TOX3: variants seen among roughly 807,000 people sequenced by gnomAD.
TOX3 encodes CAG trinucleotide repeat-containing gene F9 protein.
Under a neutral mutation model 64.3 loss-of-function variants are expected in TOX3, and 22 were observed. The ratio of observed to expected loss-of-function variants is 0.34; its 90% CI spans 0.24 to 0.49. TOX3 has a LOEUF of 0.49. Ranked by LOEUF, TOX3 falls within the 20% of genes least tolerant of loss-of-function variation. TOX3 has a pLI of 0.99. For synonymous variants in TOX3, 291 were observed against 273.6 expected (o/e 1.06, Z -0.63); for missense variants, 661 against 714.4 (o/e 0.93, Z 0.85).
chr16:52,448,566 G>T (rs1390511524), intron 4 of TOX3, among the ~76,000 whole-genome samples: 1 of 152,082 alleles, frequency 6.6e-6, no homozygotes, highest in Non-Finnish European at 1.5e-5. Context: ...GGGCCCAATG[G>T]GGGTGCTAAC....
Position 52,546,915 on chromosome 16 carries a change from C to T in TOX3, c.-192G>A. 9.3e-7 allele frequency: 1 copy of T among 1,077,902 alleles called. No homozygotes were observed. Among genetic ancestry groups the T allele is most frequent in the Admixed American group, 5.5e-5 (1 of 18,342 alleles). 66.8% of individuals were successfully genotyped at this position (1,077,902 alleles called of 1,614,324 possible). On this transcript the variant is annotated 5_prime_UTR_variant, in exon 1 of 7. It adds an upstream start codon to the 5' untranslated region. Coordinates refer to ENST00000219746, the MANE Select transcript of TOX3 (RefSeq NM_001080430.4). ...GCCGCCGCACACAAAGGCGCGGCCA[C>T]GCGAGCCGCGGGAGAGCGGGAGGCG...
chr16:52,457,609 T>C (rs1960558196), intron 3 of TOX3, among the ~76,000 whole-genome samples: 1 of 152,154 alleles, frequency 6.6e-6, no homozygotes, highest in Non-Finnish European at 1.5e-5. Context: ...AATATCAGAG[T>C]TAACTGCAAA....
At chr16:52,446,265 G>A in intron 4 of TOX3, 44 bp from the exon 5 acceptor site, 1 of 1,582,484 alleles carries the variant, frequency 6.3e-7, no homozygotes, top group African/African-American at 1.4e-5. Context: ...TGTACTTGCA[G>A]AGAATGCAAC....
chr16:52,463,627 C>T (rs145323353), intron 3 of TOX3, among the ~76,000 whole-genome samples: 46 of 152,320 alleles, frequency 3.0e-4, no homozygotes, highest in African/African-American at 1.1e-3. Flanking sequence ...TCAACTCAAG[C>T]ACACCTTTGT....
At chr16:52,458,423 A>G (rs976853864) in intron 3 of TOX3, among the ~76,000 whole-genome samples, 11 of 152,130 alleles carry the variant, frequency 7.2e-5, no homozygotes, top group Admixed American at 6.5e-5. Flanking sequence ...TCTCCAAAAA[A>G]TATTTGAGCC....
intron 1 of TOX3, among the ~76,000 whole-genome samples, chr16:52,497,019 G>T (rs1961867437): frequency 6.6e-6 from 1 of 151,984 alleles, no homozygotes; most frequent in Non-Finnish European, 1.5e-5. Context: ...AGGAAATTAG[G>T]TTCCCCAATT....
chr16:52,478,146 C>T (rs1338448769), intron 1 of TOX3, among the ~76,000 whole-genome samples: 1 of 152,186 alleles, frequency 6.6e-6, no homozygotes, highest in Non-Finnish European at 1.5e-5. Context: ...TTAGAGAAAT[C>T]CAATGGCTTC....
At chr16:52,510,078 C>T (rs1241236649) in intron 1 of TOX3, among the ~76,000 whole-genome samples, 1 of 151,254 alleles carries the variant, frequency 6.6e-6, no homozygotes, top group African/African-American at 2.4e-5. Flanking sequence ...CTGCCCTCGC[C>T]TCTGATACCT....
At chr16:52,444,241 T>C in intron 6 of TOX3, 35 bp downstream of exon 6, 1 of 1,493,178 alleles carries the variant, frequency 6.7e-7, no homozygotes, top group Non-Finnish European at 9.1e-7. Flanking sequence ...ACGCTGTGAC[T>C]ATTTTGGAGC....
At chr16:52,527,121 T>G (rs1962743475) in intron 1 of TOX3, among the ~76,000 whole-genome samples, 1 of 152,048 alleles carries the variant, frequency 6.6e-6, no homozygotes, top group South Asian at 2.1e-4. Context: ...GAGGAATGAA[T>G]GAATAAAAAG....
At position 52,525,265 on chromosome 16, in the gene TOX3, G is replaced by C. The variant is rs561670969; in HGVS notation, c.87+21372C>G. Among the ~76,000 whole-genome samples the C allele has an allele frequency of 3.9e-5, 6 of 152,178 alleles. No homozygotes were observed. The South Asian group carries it at 1.2e-3, about 32-fold the overall frequency. Reference sequence around the variant, plus strand: ...ATCCATTTAATTAAGTTTGGGGAGGGGGGTTCTCTATCTTTTCCTCTGTCC... The same window carrying C: ...ATCCATTTAATTAAGTTTGGGGAGGCGGGTTCTCTATCTTTTCCTCTGTCC... On this transcript the variant is annotated intron_variant, in intron 1 of 6. Coordinates refer to ENST00000219746, the MANE Select transcript of TOX3 (RefSeq NM_001080430.4).
chr16:52,472,442 G>C (rs1025939543), intron 1 of TOX3, among the ~76,000 whole-genome samples: 3 of 151,968 alleles, frequency 2.0e-5, no homozygotes, highest in Non-Finnish European at 4.4e-5. Context: ...ATCTTTCTTA[G>C]GAAAGCTAAT....
At chr16:52,538,495 T>A (rs1316557853) in intron 1 of TOX3, among the ~76,000 whole-genome samples, 4 of 152,202 alleles carry the variant, frequency 2.6e-5, no homozygotes, top group Non-Finnish European at 5.9e-5. Flanking sequence ...CTCACTCTTA[T>A]CACCATCTTT....
chr16:52,492,564 AAT>A (rs56848244), intron 1 of TOX3, among the ~76,000 whole-genome samples: 1,046 of 90,624 alleles, frequency 0.012, 17 homozygotes, highest in South Asian at 0.076. Context: ...GTTGTATATA[AAT>A]ATATATATAT....
intron 1 of TOX3, among the ~76,000 whole-genome samples, chr16:52,488,796 C>T (rs990221800): frequency 2.6e-5 from 4 of 152,142 alleles, no homozygotes; most frequent in Non-Finnish European, 5.9e-5. Context: ...GATACACACA[C>T]GATTAATATA....
In TOX3 at chr16:52,468,552, A is replaced by G; in HGVS notation, c.110T>C (p.Met37Thr). The change falls in exon 2 of 7, where the codon ATG becomes ACG. Residue 37 changes from methionine to threonine, a missense_variant. This residue lies in a region of TOX3 where 259 missense variants were observed against 261.2 expected (regional missense o/e 0.99). Transcript: ENST00000219746. ...CGCATTGTTCGCCTCAGCCATATTC[A>G]TATAGTTATTATTATTTCCAAACTG... ...YSKFGNNNNY[M>T]NMAEANNAFF... 6.2e-7 allele frequency: 1 copy of G among 1,612,588 alleles called. No homozygotes were observed. Among genetic ancestry groups the G allele is most frequent in the Non-Finnish European group, 8.5e-7 (1 of 1,179,052 alleles).
rs148412387 is a variant in TOX3, at chr16:52,488,467, T to C, written c.88-19893A>G. On this transcript the variant is annotated intron_variant, in intron 1 of 6. Transcript: ENST00000219746. ...TGGAAGCTTCTAAGGGCAATGACCA[T>C]CTTGTTGCCATGACTTTTCTGCAAT... 3.8e-3 allele frequency among the ~76,000 whole-genome samples: 585 copies of C among 152,332 alleles called. 2 individuals are homozygous for C. Among genetic ancestry groups the C allele is most frequent in the African/African-American group, 0.013 (541 of 41,582 alleles).
intron 1 of TOX3, among the ~76,000 whole-genome samples, chr16:52,543,322 G>A (rs991298644): frequency 6.6e-6 from 1 of 152,188 alleles, no homozygotes; most frequent in Admixed American, 6.5e-5. Context: ...CCAAAAATCT[G>A]AAATCCGAAA....
At chr16:52,492,573 A>G (rs1961723441) in intron 1 of TOX3, among the ~76,000 whole-genome samples, 1 of 134,748 alleles carries the variant, frequency 7.4e-6, no homozygotes, top group South Asian at 2.3e-4. Context: ...AAATATATAT[A>G]TATATATATA....
Sources: allele counts gnomAD v4.1 joint callset (sites outside exome capture counted in the v4.1 genomes callset), GRCh38; gene constraint gnomAD v4.1.1; regional missense constraint gnomAD v4.1.1; transcripts MANE v1.5; gene names NCBI Gene and HGNC (gene_info 2026-07-23, HGNC 2026-07-21).